Variants in SAMTOR observed in about 807,000 individuals in gnomAD.
SAMTOR encodes the protein S-adenosylmethionine sensor upstream of mTORC1, also known as UPF0532 protein C7orf60.
At chr7:112,892,173 A>G in the SAMTOR span, among the ~76,000 whole-genome samples, 3 of 152,312 alleles carry the variant, frequency 2.0e-5, no homozygotes, top group African/African-American at 7.2e-5. Flanking sequence ...CATCCATAAG[A>G]AACGACTCCT....
the SAMTOR span, among the ~76,000 whole-genome samples, chr7:112,929,569 T>A: frequency 6.6e-6 from 1 of 152,038 alleles, no homozygotes; most frequent in Non-Finnish European, 1.5e-5. Context: ...GATTCAGCAA[T>A]CCCACTATGG....
At chr7:112,873,953 T>A in the SAMTOR span, among the ~76,000 whole-genome samples, 4 of 151,854 alleles carry the variant, frequency 2.6e-5, no homozygotes, top group African/African-American at 9.7e-5. Flanking sequence ...TTGAAAAAAA[T>A]GTTCCACGTC....
At chr7:112,859,896 T>C in the SAMTOR span, among the ~76,000 whole-genome samples, 1 of 152,142 alleles carries the variant, frequency 6.6e-6, no homozygotes, top group Admixed American at 6.5e-5. Context: ...AAAGTAAATA[T>C]AGTATAGCTT....
the SAMTOR span, among the ~76,000 whole-genome samples, chr7:112,907,756 C>A: frequency 6.6e-6 from 1 of 151,966 alleles, no homozygotes; most frequent in Non-Finnish European, 1.5e-5. Context: ...GCTAGAGATA[C>A]CAATTCCAAT....
the SAMTOR span, among the ~76,000 whole-genome samples, chr7:112,876,411 C>T: frequency 6.6e-6 from 1 of 152,140 alleles, no homozygotes; most frequent in Admixed American, 6.5e-5. Context: ...TACTAAACTT[C>T]CCATTCCTTA....
At chr7:112,933,588 T>C in the SAMTOR span, among the ~76,000 whole-genome samples, 1,616 of 152,268 alleles carry the variant, frequency 0.011, 28 homozygotes, top group African/African-American at 0.036. Context: ...TAGGCACATA[T>C]GAGGAAGGAA....
the SAMTOR span, among the ~76,000 whole-genome samples, chr7:112,910,601 C>T: frequency 2.0e-5 from 3 of 152,130 alleles, no homozygotes; most frequent in East Asian, 5.8e-4. Flanking sequence ...TGAGTAGATA[C>T]CACCTTAACC....
At chr7:112,921,207 C>T in the SAMTOR span, among the ~76,000 whole-genome samples, 1 of 152,164 alleles carries the variant, frequency 6.6e-6, no homozygotes, top group Non-Finnish European at 1.5e-5. Context: ...TACTACAAGG[C>T]TACAGTAACC....
chr7:112,902,238 C>T, the SAMTOR span, among the ~76,000 whole-genome samples: 2 of 151,178 alleles, frequency 1.3e-5, no homozygotes, highest in East Asian at 3.9e-4. Flanking sequence ...TCCGTGTCTA[C>T]TAAATATACA....
At chr7:112,832,176 TAC>T in the SAMTOR span, among the ~76,000 whole-genome samples, 30 of 152,102 alleles carry the variant, frequency 2.0e-4, 2 homozygotes, top group South Asian at 6.0e-3. Flanking sequence ...CACGCCCAGC[TAC>T]ATTTTTTTTA....
At chr7:112,872,350 C>T in the SAMTOR span, among the ~76,000 whole-genome samples, 2 of 152,080 alleles carry the variant, frequency 1.3e-5, no homozygotes, top group African/African-American at 4.8e-5. Flanking sequence ...TCATTCACCA[C>T]ATAAACAGAA....
the SAMTOR span, among the ~76,000 whole-genome samples, chr7:112,828,623 A>C: frequency 6.6e-6 from 1 of 152,162 alleles, no homozygotes; most frequent in Non-Finnish European, 1.5e-5. Context: ...TTAGGTTGAC[A>C]TAATTCAACC....
chr7:112,913,244 A>G, the SAMTOR span, among the ~76,000 whole-genome samples: 51 of 152,294 alleles, frequency 3.3e-4, no homozygotes, highest in East Asian at 6.2e-3. Context: ...CTTTGACTCC[A>G]CAATCCACTG....
At chr7:112,922,898 C>A in the SAMTOR span, among the ~76,000 whole-genome samples, 3 of 144,192 alleles carry the variant, frequency 2.1e-5, no homozygotes, top group South Asian at 2.3e-4. Flanking sequence ...AGCCCCCCCC[C>A]CCCGGGCCAG....
the SAMTOR span, among the ~76,000 whole-genome samples, chr7:112,875,536 T>C: frequency 1.3e-5 from 2 of 152,160 alleles, no homozygotes; most frequent in Non-Finnish European, 1.5e-5. Context: ...ACTATAGATT[T>C]ACAGGTACAG....
At chr7:112,865,667 C>CATATATTCATATATATTTTTTCATAT in the SAMTOR span, among the ~76,000 whole-genome samples, 12 of 92,934 alleles carry the variant, frequency 1.3e-4, 1 homozygote, top group African/African-American at 2.6e-4. Flanking sequence ...ATATTTCATA[C>CATATATTCATATATATTTTTTCATAT]ATACATATAT....
the SAMTOR span, among the ~76,000 whole-genome samples, chr7:112,859,292 T>C: frequency 6.6e-6 from 1 of 152,188 alleles, no homozygotes; most frequent in African/African-American, 2.4e-5. Flanking sequence ...GCATATATGA[T>C]GGTGGTCTCA....
At chr7:112,823,804 G>C in the SAMTOR span, among the ~76,000 whole-genome samples, 1 of 152,266 alleles carries the variant, frequency 6.6e-6, no homozygotes, top group East Asian at 1.9e-4. Context: ...GAGAGTTCCA[G>C]TTCCTCCAAA....
At chr7:112,922,100 C>G in the SAMTOR span, among the ~76,000 whole-genome samples, 1 of 152,132 alleles carries the variant, frequency 6.6e-6, no homozygotes, top group Non-Finnish European at 1.5e-5. Flanking sequence ...CGATTACAGG[C>G]GCGCGCCGCC....
Sources: gnomAD v4.1 joint callset for allele counts (sites outside exome capture counted in the v4.1 genomes callset) on GRCh38, gnomAD v4.1.1 for gene constraint, MANE v1.5 for transcripts, NCBI Gene and HGNC (gene_info 2026-07-23, HGNC 2026-07-21) for gene names.